DNAH9: variants seen among roughly 807,000 people sequenced by gnomAD.
The protein encoded by DNAH9 is dynein axonemal heavy chain 9.
In DNAH9, 345 loss-of-function variants were observed where a neutral mutation model predicts 471.6. The observed-to-expected ratio is 0.73, with a 90% CI of 0.67 to 0.80. The LOEUF (loss-of-function observed/expected upper bound fraction) is 0.80. DNAH9 is among the 30% of genes least tolerant of loss of function. The pLI, the probability that DNAH9 is intolerant of heterozygous loss-of-function variation, is 0.00. For synonymous variants in DNAH9, 2,093 were observed against 2,123.6 expected (o/e 0.99, Z 0.40); for missense variants, 5,407 against 5,609.2 (o/e 0.96, Z 1.15).
intron 68 of DNAH9, among the ~76,000 whole-genome samples, chr17:11,967,760 T>C (rs988419426): frequency 3.9e-5 from 6 of 152,124 alleles, no homozygotes; most frequent in Non-Finnish European, 7.3e-5. Flanking sequence ...TGGAAACAGA[T>C]ATGCCATGCA....
At position 11,892,624 on chromosome 17, in the gene DNAH9, C is replaced by T. The variant is rs1223572877; in HGVS notation, c.11283+677C>T. Among the ~76,000 whole-genome samples, 1 of 152,144 alleles carries T rather than the reference C, an allele frequency of 6.6e-6. No individual in the cohort carries two copies. On this transcript the variant is annotated intron_variant, in intron 58 of 68. Coordinates refer to ENST00000262442, the MANE Select transcript of DNAH9 (RefSeq NM_001372.4). The surrounding 1 kb of genome is among the most constrained non-coding windows in gnomAD (Gnocchi z 4.3). The stretch of plus-strand genomic sequence containing the variant: ...GGAATGCAGTGGTGTGATCCTGGCT[C>T]ACTGCAATCTCCACCTCCCCAGTTC...
intron 39 of DNAH9, 138 bp downstream of exon 39, chr17:11,781,312 TTTCTCATTCAA>T: frequency 1.1e-6 from 1 of 900,948 alleles, no homozygotes; most frequent in Non-Finnish European, 1.6e-6. Context: ...GTAAACCACA[TTTCTCATTCAA>T]TTCTCTATTT....
chr17:11,642,150 C>A (rs1295503813), intron 10 of DNAH9, among the ~76,000 whole-genome samples: 1 of 152,082 alleles, frequency 6.6e-6, no homozygotes, highest in African/African-American at 2.4e-5. Context: ...TGGAGGTGTA[C>A]CAGGGCCTGG....
intron 27 of DNAH9, among the ~76,000 whole-genome samples, chr17:11,725,664 C>T (rs532497226): frequency 2.1e-4 from 32 of 152,086 alleles, no homozygotes; most frequent in African/African-American, 7.7e-4. Context: ...GCCAGGAGTT[C>T]GAGACCAGCC....
intron 33 of DNAH9, among the ~76,000 whole-genome samples, chr17:11,755,012 A>G (rs1422444011): frequency 1.3e-5 from 2 of 152,200 alleles, no homozygotes; most frequent in Non-Finnish European, 2.9e-5. Context: ...TATATCATGT[A>G]AAGAAGGGCG....
At chr17:11,915,982 T>C (rs564267425) in intron 61 of DNAH9, among the ~76,000 whole-genome samples, 3 of 152,350 alleles carry the variant, frequency 2.0e-5, no homozygotes, top group Non-Finnish European at 4.4e-5. Context: ...CAGAGAAGTA[T>C]TGTTGAATGA....
intron 28 of DNAH9, among the ~76,000 whole-genome samples, chr17:11,731,181 G>T (rs1321783021): frequency 1.3e-5 from 2 of 151,812 alleles, no homozygotes; most frequent in Non-Finnish European, 2.9e-5. Flanking sequence ...TAACAATGAT[G>T]GTGATGATGG....
chr17:11,831,194 G>A (rs1970675187), intron 48 of DNAH9, among the ~76,000 whole-genome samples: 1 of 152,246 alleles, frequency 6.6e-6, no homozygotes, highest in African/African-American at 2.4e-5. Flanking sequence ...AAGAAAAGAG[G>A]TTTATTTGGC....
chr17:11,830,563 G>A (rs1333048084), intron 48 of DNAH9, among the ~76,000 whole-genome samples: 3 of 152,096 alleles, frequency 2.0e-5, no homozygotes, highest in African/African-American at 7.2e-5. Context: ...TTCATTTAGT[G>A]AGAAAAAACG....
At chr17:11,704,894 G>C (rs900766470) in intron 25 of DNAH9, 131 bp from the exon 26 acceptor site, 7 of 755,978 alleles carry the variant, frequency 9.3e-6, no homozygotes, top group East Asian at 4.9e-5. Context: ...TTTCTATGCT[G>C]TGGTGGCCAC....
intron 17 of DNAH9, among the ~76,000 whole-genome samples, chr17:11,676,293 T>C (rs2074049135): frequency 6.9e-6 from 1 of 144,104 alleles, no homozygotes; most frequent in Non-Finnish European, 1.5e-5. Flanking sequence ...TTTTTTTTTT[T>C]TTTTTTGAGA....
At chr17:11,822,132 C>T (rs562960974) in intron 46 of DNAH9, 70 bp downstream of exon 46, 18 of 1,528,662 alleles carry the variant, frequency 1.2e-5, no homozygotes, top group African/African-American at 2.8e-5. Context: ...ACTGATATTT[C>T]GGGCACAACT....
chr17:11,861,779 TGGTG>T (rs200307702), intron 50 of DNAH9, among the ~76,000 whole-genome samples: 4 of 151,972 alleles, frequency 2.6e-5, no homozygotes, highest in South Asian at 2.1e-4. Flanking sequence ...TGGCCAGTGA[TGGTG>T]AGCATTTTTT....
At chr17:11,841,565 A>T (rs563237285) in intron 49 of DNAH9, among the ~76,000 whole-genome samples, 1 of 152,156 alleles carries the variant, frequency 6.6e-6, no homozygotes, top group Non-Finnish European at 1.5e-5. Context: ...GCAATCAGAC[A>T]TGTATTTGTC....
At chr17:11,666,940 C>T (rs1428895749) in intron 15 of DNAH9, among the ~76,000 whole-genome samples, 1 of 152,162 alleles carries the variant, frequency 6.6e-6, no homozygotes, top group Non-Finnish European at 1.5e-5. Flanking sequence ...TGTCATCTCT[C>T]AACCCAAACC....
rs1972275272 is a variant in DNAH9, at chr17:11,871,798, C to G, written c.10242+12C>G. On this transcript the variant is annotated intron_variant, in intron 52 of 68. Transcript: ENST00000262442. ...TGAGCCAGCTGAAAGTACGTATGGCCTGAATTTCTCCCGACCACATCAGCC... is the reference window on the plus strand; with the variant it reads ...TGAGCCAGCTGAAAGTACGTATGGCGTGAATTTCTCCCGACCACATCAGCC... The G allele has an allele frequency of 2.5e-6, 4 of 1,612,726 alleles. No individual in the cohort carries two copies. Among genetic ancestry groups the G allele is most frequent in the Non-Finnish European group, 3.4e-6 (4 of 1,179,162 alleles).
intron 17 of DNAH9, among the ~76,000 whole-genome samples, chr17:11,678,198 C>T (rs1307696960): frequency 1.3e-5 from 2 of 152,182 alleles, no homozygotes; most frequent in South Asian, 2.1e-4. Flanking sequence ...GCTGGGACTA[C>T]AGGCACAGGC....
At chr17:11,874,301 A>G (rs985309907) in intron 52 of DNAH9, among the ~76,000 whole-genome samples, 7 of 152,024 alleles carry the variant, frequency 4.6e-5, no homozygotes, top group Non-Finnish European at 1.0e-4. Flanking sequence ...AAGAAAAGGC[A>G]GTGTCTAGGG....
chr17:11,751,637 G>A (rs905799580), intron 32 of DNAH9, among the ~76,000 whole-genome samples: 2 of 151,962 alleles, frequency 1.3e-5, no homozygotes, highest in Non-Finnish European at 2.9e-5. Context: ...AAGTCATTCT[G>A]AATAATGATA....
Sources: allele counts gnomAD v4.1 joint callset (sites outside exome capture counted in the v4.1 genomes callset), GRCh38; gene constraint gnomAD v4.1.1; non-coding constraint Gnocchi (gnomAD v3.1); transcripts MANE v1.5; gene names NCBI Gene and HGNC (gene_info 2026-07-23, HGNC 2026-07-21).